PRKCA: variants seen among roughly 807,000 people sequenced by gnomAD.
PRKCA encodes protein kinase C alpha type.
A neutral mutation model predicts 87.0 loss-of-function variants in PRKCA; 27 were observed. The observed-to-expected ratio is 0.31, with a 90% CI of 0.23 to 0.43. PRKCA has a LOEUF of 0.43. Among genes scored for constraint, PRKCA ranks in the 20% least tolerant of loss-of-function variants. The pLI is 1.00. For missense variants in PRKCA, 518 were observed against 852.3 expected, an observed-to-expected ratio of 0.61 and a Z score of 4.88; for synonymous variants, 329 against 311.1, an observed-to-expected ratio of 1.06 and a Z score of -0.61.
At chr17:66,668,252 T>C (rs967709699) in intron 5 of PRKCA, among the ~76,000 whole-genome samples, 2 of 152,174 alleles carry the variant, frequency 1.3e-5, no homozygotes, top group Admixed American at 6.5e-5. Context: ...AGTCTACAAA[T>C]AGACTGTAAC....
intron 8 of PRKCA, among the ~76,000 whole-genome samples, chr17:66,717,596 C>T (rs934570458): frequency 2.0e-5 from 3 of 152,350 alleles, no homozygotes; most frequent in African/African-American, 4.8e-5. Context: ...TCAAAGATTA[C>T]AGCCCAGATG....
intron 3 of PRKCA, among the ~76,000 whole-genome samples, chr17:66,603,444 T>A (rs147488186): frequency 3.9e-4 from 60 of 152,312 alleles, no homozygotes; most frequent in African/African-American, 1.3e-3. Flanking sequence ...GTCCTTTTTA[T>A]ATACAAACGT....
At chr17:66,628,803 G>A (rs375330010) in intron 3 of PRKCA, among the ~76,000 whole-genome samples, 14 of 152,266 alleles carry the variant, frequency 9.2e-5, no homozygotes, top group African/African-American at 3.1e-4. Context: ...CGACGTGGGC[G>A]GATCACCTTA....
At position 66,447,990 on chromosome 17, in the gene PRKCA, G is replaced by A. The variant is rs138961437; in HGVS notation, c.206-48211G>A. On this transcript the variant is annotated intron_variant, in intron 2 of 16. Coordinates refer to ENST00000413366, the MANE Select transcript of PRKCA (RefSeq NM_002737.3). ...TTTTTCTGCTTCTGTCGGGCAGTGG[G>A]TATCGACAGGTAAGACTGCCTTATT... 6.1e-3 allele frequency among the ~76,000 whole-genome samples: 929 copies of A among 152,280 alleles called. 13 individuals are homozygous for A. Among genetic ancestry groups the A allele is most frequent in the African/African-American group, 0.02 (825 of 41,556 alleles).
At chr17:66,652,077 G>A (rs1416794921) in intron 5 of PRKCA, among the ~76,000 whole-genome samples, 1 of 152,136 alleles carries the variant, frequency 6.6e-6, no homozygotes, top group Admixed American at 6.5e-5. Flanking sequence ...TCCTGCCTCA[G>A]CCTCTCGAGT....
intron 2 of PRKCA, among the ~76,000 whole-genome samples, chr17:66,333,657 C>A (rs1340966339): frequency 6.6e-6 from 1 of 152,096 alleles, no homozygotes; most frequent in Non-Finnish European, 1.5e-5. Context: ...GGGAGTGAGA[C>A]TGAAGGGGAT....
chr17:66,645,720 A>G (rs1037784889), intron 5 of PRKCA, among the ~76,000 whole-genome samples: 5 of 152,192 alleles, frequency 3.3e-5, no homozygotes, highest in Admixed American at 1.3e-4. Flanking sequence ...GTACACCCAA[A>G]TTCCCAAATA....
At chr17:66,759,229 A>G (rs577200585) in intron 13 of PRKCA, among the ~76,000 whole-genome samples, 86 of 151,984 alleles carry the variant, frequency 5.7e-4, no homozygotes, top group African/African-American at 2.0e-3. Flanking sequence ...GGTGGCGGGC[A>G]CCTGTAGTCC....
intron 2 of PRKCA, among the ~76,000 whole-genome samples, chr17:66,368,354 G>GTATA (rs1387907195): frequency 2.0e-5 from 2 of 101,688 alleles, no homozygotes; most frequent in African/African-American, 3.6e-5. Context: ...GTGTGTGTGT[G>GTATA]TGTGTATATG....
chr17:66,359,154 T>C (rs1049677979), intron 2 of PRKCA, among the ~76,000 whole-genome samples: 22 of 152,114 alleles, frequency 1.4e-4, no homozygotes, highest in Non-Finnish European at 2.6e-4. Context: ...CAGAGCAAAT[T>C]TGGGGAGAGC....
At chr17:66,459,692 C>G (rs905434991) in intron 2 of PRKCA, among the ~76,000 whole-genome samples, 3 of 152,140 alleles carry the variant, frequency 2.0e-5, no homozygotes, top group Admixed American at 1.3e-4. Context: ...AGGCTTTTCT[C>G]TTTATCGTTA....
intron 2 of PRKCA, among the ~76,000 whole-genome samples, chr17:66,490,781 A>G (rs1453794007): frequency 2.6e-5 from 4 of 152,156 alleles, no homozygotes; most frequent in Non-Finnish European, 4.4e-5. Context: ...TGGTTTTGCC[A>G]TATTGGCCAG....
intron 2 of PRKCA, among the ~76,000 whole-genome samples, chr17:66,371,165 C>A (rs1367354371): frequency 6.6e-6 from 1 of 152,162 alleles, no homozygotes; most frequent in East Asian, 1.9e-4. Context: ...ACATTTTAAA[C>A]CAATGAAGAG....
chr17:66,492,123 A>G (rs573059671), intron 2 of PRKCA, among the ~76,000 whole-genome samples: 101 of 152,326 alleles, frequency 6.6e-4, no homozygotes, highest in African/African-American at 2.2e-3. Context: ...TAACGTGTCT[A>G]TGAGTGGCTG....
chr17:66,321,735 G>C (rs1001156130), intron 2 of PRKCA, among the ~76,000 whole-genome samples: 5 of 152,084 alleles, frequency 3.3e-5, no homozygotes, highest in Non-Finnish European at 7.4e-5. Context: ...GTAGAGACAG[G>C]GTTTTGCCAT....
At chr17:66,621,510 A>G (rs980618371) in intron 3 of PRKCA, among the ~76,000 whole-genome samples, 2 of 152,194 alleles carry the variant, frequency 1.3e-5, no homozygotes, top group Non-Finnish European at 2.9e-5. Context: ...TAGTGTTCAG[A>G]GGATTATTTG....
intron 2 of PRKCA, among the ~76,000 whole-genome samples, chr17:66,335,122 GT>G (rs1162610097): frequency 1.3e-5 from 2 of 151,914 alleles, no homozygotes; most frequent in African/African-American, 2.4e-5. Context: ...TGGGAAGTTC[GT>G]TTTTATTTTC....
rs908795188 is a variant in PRKCA at position 66,493,066 on chromosome 17, T to C, written c.206-3135T>C. ...GTTCCTGTTTGGTTATCTGGCTCTTTGTCTGCTCAATGCCAGGCATGCATT... is the reference window on the plus strand; with the variant it reads ...GTTCCTGTTTGGTTATCTGGCTCTTCGTCTGCTCAATGCCAGGCATGCATT... On this transcript the variant is annotated intron_variant, in intron 2 of 16. Transcript: ENST00000413366. Among the ~76,000 whole-genome samples the C allele has an allele frequency of 5.3e-5, 8 of 152,354 alleles. No individual in the cohort carries two copies. In the East Asian group the frequency reaches 1.5e-3, roughly 29 times the overall value.
chr17:66,464,279 G>A (rs1914987653), intron 2 of PRKCA, among the ~76,000 whole-genome samples: 1 of 152,160 alleles, frequency 6.6e-6, no homozygotes, highest in African/African-American at 2.4e-5. Flanking sequence ...TTCACCTACT[G>A]AAGGGCGTCT....
Sources: gnomAD v4.1 joint callset for allele counts (sites outside exome capture counted in the v4.1 genomes callset) on GRCh38, gnomAD v4.1.1 for gene constraint, MANE v1.5 for transcripts, NCBI Gene and HGNC (gene_info 2026-07-23, HGNC 2026-07-21) for gene names.